POP1: variants seen among roughly 807,000 people sequenced by gnomAD.
The protein encoded by POP1 is ribonucleases P/MRP protein subunit POP1.
In POP1, 75 loss-of-function variants were observed where a neutral mutation model predicts 102.2. That is an observed-to-expected ratio of 0.73 (90% CI 0.61 to 0.89). The LOEUF is 0.89. Among genes scored for constraint, POP1 ranks in the 40% least tolerant of loss-of-function variants. The probability of loss-of-function intolerance (pLI) is 0.00; values close to 1 mark genes in which losing one functional copy is unlikely to be tolerated. For missense variants in POP1, 1,116 were observed against 1,267.4 expected (o/e 0.88, Z 1.81); for synonymous variants, 436 against 464.1 (o/e 0.94, Z 0.78).
At chr8:98,139,082 C>T (rs1206716563) in intron 9 of POP1, among the ~76,000 whole-genome samples, 1 of 152,106 alleles carries the variant, frequency 6.6e-6, no homozygotes, top group East Asian at 1.9e-4. Context: ...AACTCCTGGC[C>T]TCAAGTGACC....
chr8:98,123,692 G>A (rs770567954), intron 2 of POP1, among the ~76,000 whole-genome samples: 2 of 151,580 alleles, frequency 1.3e-5, no homozygotes, highest in Non-Finnish European at 2.9e-5. Flanking sequence ...CAGGAGAATC[G>A]CTTGAACCTG....
At chr8:98,125,971 G>A (rs1402646799) in intron 2 of POP1, among the ~76,000 whole-genome samples, 1 of 151,802 alleles carries the variant, frequency 6.6e-6, no homozygotes, top group Non-Finnish European at 1.5e-5. Flanking sequence ...TCAGCTTCCC[G>A]AGTAACTGGG....
chr8:98,119,664 G>C (rs976173327), intron 1 of POP1, among the ~76,000 whole-genome samples: 4 of 151,868 alleles, frequency 2.6e-5, no homozygotes, highest in African/African-American at 9.7e-5. Flanking sequence ...CTGCAGCCTT[G>C]ACCTCCCTGT....
intron 10 of POP1, 43 bp downstream of exon 10, chr8:98,140,232 G>A (rs373896518): frequency 1.3e-6 from 2 of 1,534,342 alleles, no homozygotes; most frequent in Non-Finnish European, 1.8e-6. Flanking sequence ...AGGGAAGGGG[G>A]CCAAAAGAGC....
chr8:98,129,743 TA>T (rs1323666712), intron 4 of POP1, among the ~76,000 whole-genome samples: 2 of 152,256 alleles, frequency 1.3e-5, no homozygotes, highest in Non-Finnish European at 2.9e-5. Context: ...CTTGCCTAGT[TA>T]GTGAGTGATG....
intron 14 of POP1, among the ~76,000 whole-genome samples, chr8:98,154,973 A>G (rs574019071): frequency 6.6e-6 from 1 of 152,322 alleles, no homozygotes; most frequent in East Asian, 1.9e-4. Context: ...GAAATATGTA[A>G]TATCTGCTTG....
At chr8:98,118,406 C>A (rs1815910949) in intron 1 of POP1, among the ~76,000 whole-genome samples, 2 of 151,126 alleles carry the variant, frequency 1.3e-5, no homozygotes, top group African/African-American at 4.9e-5. Context: ...TTCTTCTTTC[C>A]TTCCTTTCCT....
At chr8:98,139,244 G>A (rs1021295238) in intron 9 of POP1, among the ~76,000 whole-genome samples, 1 of 152,154 alleles carries the variant, frequency 6.6e-6, no homozygotes, top group African/African-American at 2.4e-5. Context: ...CCATGCATGT[G>A]ATACTTGAAG....
Position 98,158,235 on chromosome 8 carries a change from G to T in POP1, c.3039G>T (p.Leu1013=). The T allele has an allele frequency of 1.2e-6, 2 of 1,611,888 alleles. No homozygotes were observed. The highest frequency in any genetic ancestry group is 1.7e-6 in the Non-Finnish European group (2 of 1,180,026). Residue 1013 remains leucine (L), a synonymous_variant, in exon 16 of 16, where the codon CTG becomes CTT. Coordinates refer to ENST00000401707, the MANE Select transcript of POP1 (RefSeq NM_001145860.2). ...TGCTACTGAGGCCTCCCGCCTCTCTGCAGTATCGATTTGCGAGGATTGCTA... is the reference window on the plus strand; with the variant it reads ...TGCTACTGAGGCCTCCCGCCTCTCTTCAGTATCGATTTGCGAGGATTGCTA... ...GLVLLRPPAS[L]QYRFARIAIE...
intron 1 of POP1, among the ~76,000 whole-genome samples, chr8:98,123,008 T>G (rs918931850): frequency 1.3e-5 from 2 of 152,328 alleles, no homozygotes; most frequent in Admixed American, 6.5e-5. Flanking sequence ...TTTAATAGAG[T>G]TTCTCCTTTT....
intron 14 of POP1, among the ~76,000 whole-genome samples, chr8:98,152,369 C>T (rs1292354271): frequency 1.3e-5 from 2 of 152,046 alleles, no homozygotes; most frequent in African/African-American, 4.8e-5. Context: ...AAAAATATGA[C>T]TCTAAACCAA....
At chr8:98,138,978 G>A (rs535332940) in intron 9 of POP1, among the ~76,000 whole-genome samples, 11 of 150,400 alleles carry the variant, frequency 7.3e-5, no homozygotes, top group South Asian at 2.1e-4. Flanking sequence ...TCAGCCTCCC[G>A]AGTAGCTGGA....
At position 98,156,389 on chromosome 8, in the gene POP1, A is replaced by G. The variant is rs758366781; in HGVS notation, c.2397A>G (p.Thr799=). The G allele has an allele frequency of 1.2e-6, 2 of 1,613,850 alleles. No homozygotes were observed. Among genetic ancestry groups the G allele is most frequent in the African/African-American group, 2.7e-5 (2 of 75,030 alleles). The stretch of plus-strand genomic sequence containing the variant: ...CCAGTGAAAACCATGTTGCTGCCAC[A>G]GGGAGTCACCTCTGCGTTCTCAGGT... ...QEASENHVAA[T]GSHLCVLRSR... Residue 799 remains threonine (T), a synonymous_variant, in exon 15 of 16, where the codon ACA becomes ACG. Coordinates refer to ENST00000401707, the MANE Select transcript of POP1 (RefSeq NM_001145860.2).
intron 7 of POP1, 32 bp downstream of exon 7, chr8:98,134,691 T>G (rs755839350): frequency 6.4e-7 from 1 of 1,563,230 alleles, no homozygotes; most frequent in East Asian, 2.2e-5. Context: ...CCCGTCATTC[T>G]GAAACTGCAT....
intron 1 of POP1, among the ~76,000 whole-genome samples, chr8:98,118,571 G>A (rs1242377936): frequency 6.6e-6 from 1 of 152,040 alleles, no homozygotes. Context: ...GATTACAAGT[G>A]CACACCAGCA....
At position 98,157,638 on chromosome 8, in the gene POP1, A is replaced by G. The variant is rs768945815; in HGVS notation, c.2442A>G (p.Gln814=). 6.2e-6 allele frequency: 10 copies of G among 1,614,072 alleles called. No homozygotes were observed. The East Asian group carries it at 2.2e-4, about 36-fold the overall frequency. ...GTAGGAGTAGAAAATTACTGAAGCA[A>G]CTGTCAGCCTGGTGTGGGCCCAGTT... The part of the protein sequence containing the change: ...CVLRSRKLLK[Q]LSAWCGPSSE... The change falls in exon 16 of 16, where the codon CAA becomes CAG. Residue 814 remains glutamine, a synonymous_variant. Coordinates refer to ENST00000401707, the MANE Select transcript of POP1 (RefSeq NM_001145860.2).
chr8:98,156,512 CA>C, intron 15 of POP1, 100 bp downstream of exon 15: 2 of 1,470,476 alleles, frequency 1.4e-6, no homozygotes, highest in Admixed American at 3.9e-5. Context: ...ATGCAAAATC[CA>C]AGTGAATTTA....
chr8:98,118,319 C>T (rs1272026746), intron 1 of POP1, among the ~76,000 whole-genome samples: 1 of 152,192 alleles, frequency 6.6e-6, no homozygotes, highest in Non-Finnish European at 1.5e-5. Flanking sequence ...CTCTTTCTTC[C>T]TTATCTGTGC....
intron 6 of POP1, 34 bp from the exon 7 acceptor site, chr8:98,134,438 C>T (rs374501150): frequency 2.4e-5 from 39 of 1,609,702 alleles, no homozygotes; most frequent in East Asian, 1.8e-4. Context: ...TCTCAACACC[C>T]GGAATTATGG....
Sources: gnomAD v4.1 joint callset for allele counts (sites outside exome capture counted in the v4.1 genomes callset) on GRCh38, gnomAD v4.1.1 for gene constraint, MANE v1.5 for transcripts, NCBI Gene and HGNC (gene_info 2026-07-23, HGNC 2026-07-21) for gene names.